ARHGAP42: variants seen among roughly 807,000 people sequenced by gnomAD.
ARHGAP42 encodes Rho GTPase activating protein 42.
Under a neutral mutation model 125.0 loss-of-function variants are expected in ARHGAP42, and 63 were observed. The ratio of observed to expected loss-of-function variants is 0.50; its 90% confidence interval spans 0.41 to 0.62. ARHGAP42 has a LOEUF of 0.62. Among genes scored for constraint, ARHGAP42 ranks in the 20% least tolerant of loss-of-function variants. ARHGAP42 has a pLI of 0.00. For missense variants in ARHGAP42, 766 were observed against 1,024.2 expected (o/e 0.75, Z 3.44); for synonymous variants, 339 against 351.0 (o/e 0.97, Z 0.38).
intron 1 of ARHGAP42, 74 bp from the exon 2 acceptor site, chr11:100,770,269 T>C: frequency 1.0e-6 from 1 of 993,330 alleles, no homozygotes. Flanking sequence ...AGTTATATAA[T>C]TTTACATTTG....
chr11:100,979,495 G>A (rs1408658624), intron 22 of ARHGAP42, among the ~76,000 whole-genome samples: 1 of 152,112 alleles, frequency 6.6e-6, no homozygotes, highest in East Asian at 1.9e-4. Context: ...TGTTTTTAGA[G>A]TACATAATTT....
chr11:100,883,068 G>A (rs1865998806), intron 4 of ARHGAP42, among the ~76,000 whole-genome samples: 1 of 151,576 alleles, frequency 6.6e-6, no homozygotes, highest in South Asian at 2.1e-4. Flanking sequence ...TTTATCTTTT[G>A]TATTGTTTTT....
intron 17 of ARHGAP42, among the ~76,000 whole-genome samples, chr11:100,968,621 G>C (rs1197323873): frequency 6.6e-6 from 1 of 151,998 alleles, no homozygotes; most frequent in African/African-American, 2.4e-5. Flanking sequence ...GAGGGAAAAG[G>C]AGTAAGTACA....
At chr11:100,939,890 C>A (rs1867830735) in intron 8 of ARHGAP42, among the ~76,000 whole-genome samples, 1 of 152,110 alleles carries the variant, frequency 6.6e-6, no homozygotes, top group Non-Finnish European at 1.5e-5. Context: ...AATGTCAGAG[C>A]ATTGCAGCAG....
intron 1 of ARHGAP42, among the ~76,000 whole-genome samples, chr11:100,708,948 G>A (rs111241913): frequency 0.024 from 3,669 of 152,226 alleles, 62 homozygotes; most frequent in Non-Finnish European, 0.031. Flanking sequence ...TGTAATTAAA[G>A]TTACATGAAT....
chr11:100,751,995 G>C (rs763084299), intron 1 of ARHGAP42, among the ~76,000 whole-genome samples: 9 of 152,052 alleles, frequency 5.9e-5, no homozygotes, highest in Non-Finnish European at 1.2e-4. Flanking sequence ...GGCCAGGCTG[G>C]TCTGGAACTC....
rs145892062 is a variant in ARHGAP42 at position 100,766,222 on chromosome 11, GGTGT to G, written c.155-4103_155-4100del. Among the ~76,000 whole-genome samples, 12 of 149,268 alleles carry G rather than the reference GGTGT, an allele frequency of 8.0e-5. No individual in the cohort carries two copies. In the South Asian group the frequency reaches 2.4e-3, roughly 29 times the overall value. ...AGTTAGGCAAATGGGAAGGATGTGG[GGTGT>G]GTGTGTGTGTGTGTGTGGTGTGGGG... is the stretch of plus-strand genomic sequence containing the variant. On this transcript the variant is annotated intron_variant, in intron 1 of 23. Coordinates refer to ENST00000298815, the MANE Select transcript of ARHGAP42 (RefSeq NM_152432.4).
At chr11:100,866,441 C>G (rs1865572316) in intron 4 of ARHGAP42, among the ~76,000 whole-genome samples, 1 of 152,154 alleles carries the variant, frequency 6.6e-6, no homozygotes, top group Non-Finnish European at 1.5e-5. Flanking sequence ...AAATCACTGT[C>G]TATGACAATG....
At chr11:100,766,550 G>A (rs1862833656) in intron 1 of ARHGAP42, among the ~76,000 whole-genome samples, 1 of 152,130 alleles carries the variant, frequency 6.6e-6, no homozygotes, top group Admixed American at 6.5e-5. Flanking sequence ...AGAAACTTTA[G>A]TTAGACAATT....
intron 6 of ARHGAP42, among the ~76,000 whole-genome samples, chr11:100,930,193 T>C (rs1867535862): frequency 6.6e-6 from 1 of 152,238 alleles, no homozygotes; most frequent in Non-Finnish European, 1.5e-5. Context: ...CCATAGTTTT[T>C]CCCTCACATC....
chr11:100,855,809 A>G (rs906246614), intron 3 of ARHGAP42, among the ~76,000 whole-genome samples: 1 of 152,114 alleles, frequency 6.6e-6, no homozygotes, highest in Non-Finnish European at 1.5e-5. Context: ...CTTTTCTTCT[A>G]CTGAAAATAA....
At chr11:100,953,515 A>C (rs1486403524) in intron 12 of ARHGAP42, among the ~76,000 whole-genome samples, 1 of 152,214 alleles carries the variant, frequency 6.6e-6, no homozygotes, top group East Asian at 1.9e-4. Context: ...AATGTTCTAA[A>C]ATAGGGCCAT....
At chr11:100,911,111 A>C (rs192674466) in intron 4 of ARHGAP42, among the ~76,000 whole-genome samples, 3 of 152,264 alleles carry the variant, frequency 2.0e-5, no homozygotes, top group Admixed American at 6.5e-5. Context: ...GATGAAAGGG[A>C]GTCAGTTTTC....
At position 100,749,556 on chromosome 11, in the gene ARHGAP42, T is replaced by G. The variant is rs539117045; in HGVS notation, c.155-20787T>G. ...TGCCTGCCCTGGAAGGTTGACCTGTTTCCTCCCTTTCCCCCTCTGAAGGTC... is the reference window on the plus strand; with the variant it reads ...TGCCTGCCCTGGAAGGTTGACCTGTGTCCTCCCTTTCCCCCTCTGAAGGTC... On this transcript the variant is annotated intron_variant, in intron 1 of 23. Transcript: ENST00000298815. Among the ~76,000 whole-genome samples, 5 of 152,294 alleles carry G rather than the reference T, an allele frequency of 3.3e-5. No homozygotes were observed. In the South Asian group the frequency reaches 6.2e-4, roughly 19 times the overall value.
rs114208094 is a variant in ARHGAP42, at chr11:100,889,138, A to C, written c.385-24314A>C. On this transcript the variant is annotated intron_variant, in intron 4 of 23. Coordinates refer to ENST00000298815, the MANE Select transcript of ARHGAP42 (RefSeq NM_152432.4). ...ATAAGTGTTCAGTAAATATTTAGTG[A>C]ATCACTAAAGTGATTGTGCTGGACA... Among the ~76,000 whole-genome samples, 1,184 of 152,332 alleles carry C rather than the reference A, an allele frequency of 7.8e-3. 18 individuals are homozygous for C. The highest frequency in any genetic ancestry group is 0.027 in the African/African-American group (1,131 of 41,564).
intron 1 of ARHGAP42, among the ~76,000 whole-genome samples, chr11:100,758,029 T>C (rs1258308513): frequency 2.6e-5 from 4 of 152,240 alleles, no homozygotes; most frequent in Non-Finnish European, 4.4e-5. Context: ...TGTTCATGTA[T>C]AGCCATGATA....
At chr11:100,975,918 A>G (rs1591334551) in intron 19 of ARHGAP42, 139 bp from the exon 20 acceptor site, 2 of 878,794 alleles carry the variant, frequency 2.3e-6, no homozygotes, top group Non-Finnish European at 3.3e-6. Context: ...AGTTCTCCGT[A>G]CTAGGTAGGG....
intron 3 of ARHGAP42, among the ~76,000 whole-genome samples, chr11:100,852,206 C>A (rs1865219586): frequency 6.6e-6 from 1 of 152,052 alleles, no homozygotes; most frequent in South Asian, 2.1e-4. Flanking sequence ...TAAGAAATTG[C>A]ATATATATTG....
chr11:100,812,927 C>T (rs926370448), intron 3 of ARHGAP42, among the ~76,000 whole-genome samples: 2 of 152,138 alleles, frequency 1.3e-5, no homozygotes, highest in African/African-American at 4.8e-5. Flanking sequence ...TAAAGGACTA[C>T]CCTAATTGTT....
Sources: gnomAD v4.1 joint callset for allele counts (sites outside exome capture counted in the v4.1 genomes callset) on GRCh38, gnomAD v4.1.1 for gene constraint, MANE v1.5 for transcripts, NCBI Gene and HGNC (gene_info 2026-07-23, HGNC 2026-07-21) for gene names.